RGS6: variants seen among roughly 807,000 people sequenced by gnomAD.
RGS6 encodes the protein regulator of G-protein signaling 6.
In RGS6, 30 loss-of-function variants were observed where a neutral mutation model predicts 78.5. The observed-to-expected ratio is 0.38, with a 90% CI of 0.29 to 0.52. RGS6 has a LOEUF of 0.52. Among genes scored for constraint, RGS6 ranks in the 20% least tolerant of loss-of-function variants. The pLI, the probability that RGS6 is intolerant of heterozygous loss-of-function variation, is 0.85. For synonymous variants in RGS6, 206 were observed against 206.0 expected (o/e 1.00, Z 0.00); for missense variants, 495 against 609.7 (o/e 0.81, Z 1.98).
At chr14:72,541,847 T>C (rs554836069) in intron 17 of RGS6, among the ~76,000 whole-genome samples, 2 of 152,266 alleles carry the variant, frequency 1.3e-5, no homozygotes, top group African/African-American at 2.4e-5. Flanking sequence ...TCAAGAGAAG[T>C]GAGTATCAAG....
chr14:72,339,952 T>C (rs1424492373), intron 2 of RGS6, among the ~76,000 whole-genome samples: 1 of 152,140 alleles, frequency 6.6e-6, no homozygotes, highest in Non-Finnish European at 1.5e-5. Flanking sequence ...CACCTCCTTC[T>C]TTGCGGCCCT....
the RGS6 span, among the ~76,000 whole-genome samples, chr14:72,599,405 T>G: frequency 6.2e-5 from 7 of 113,158 alleles, no homozygotes; most frequent in East Asian, 5.1e-4. Context: ...TTTTTTTTTT[T>G]TTTTTTTTTT....
intron 3 of RGS6, among the ~76,000 whole-genome samples, chr14:72,386,353 C>T (rs2087994681): frequency 6.6e-6 from 1 of 152,114 alleles, no homozygotes; most frequent in African/African-American, 2.4e-5. Flanking sequence ...GCCTGGACAA[C>T]ACGGTGAAAC....
intron 13 of RGS6, among the ~76,000 whole-genome samples, chr14:72,507,812 C>T (rs78784745): frequency 6.6e-6 from 1 of 152,174 alleles, no homozygotes; most frequent in Non-Finnish European, 1.5e-5. Flanking sequence ...TAGTACCATC[C>T]CTGGAGAGCC....
At chr14:71,964,906 T>C in intron 2 of RGS6, 31 bp downstream of exon 2, 1 of 1,571,286 alleles carries the variant, frequency 6.4e-7, no homozygotes, top group Non-Finnish European at 8.8e-7. Flanking sequence ...CCGTGCGTGC[T>C]GTCCGTGTGG....
chr14:72,573,035 G>A, the RGS6 span, among the ~76,000 whole-genome samples: 2 of 152,146 alleles, frequency 1.3e-5, no homozygotes, highest in African/African-American at 4.8e-5. Context: ...TAGAGAAAGT[G>A]AGTGAAGGCA....
intron 2 of RGS6, among the ~76,000 whole-genome samples, chr14:72,051,297 G>A (rs74063035): frequency 0.013 from 2,044 of 152,142 alleles, 48 homozygotes; most frequent in African/African-American, 0.046. Flanking sequence ...GGCAGTATTC[G>A]CATGGGGGCA....
chr14:72,171,718 A>G (rs1181205267), intron 2 of RGS6, among the ~76,000 whole-genome samples: 1 of 152,226 alleles, frequency 6.6e-6, no homozygotes, highest in African/African-American at 2.4e-5. Flanking sequence ...TTAGTGGTAG[A>G]GGAGAGGAAA....
At chr14:71,940,020 T>C (rs2090253578) in intron 1 of RGS6, among the ~76,000 whole-genome samples, 1 of 152,194 alleles carries the variant, frequency 6.6e-6, no homozygotes, top group Non-Finnish European at 1.5e-5. Context: ...ATTCTGGCCC[T>C]GGGGAAATGA....
At chr14:72,360,545 A>AAACAC (rs2081246739) in intron 3 of RGS6, among the ~76,000 whole-genome samples, 1 of 150,906 alleles carries the variant, frequency 6.6e-6, no homozygotes, top group Non-Finnish European at 1.5e-5. Flanking sequence ...AAACAAAACA[A>AAACAC]AAAAGGAAGA....
At chr14:72,350,943 T>C (rs530021216) in intron 2 of RGS6, among the ~76,000 whole-genome samples, 2 of 152,326 alleles carry the variant, frequency 1.3e-5, no homozygotes, top group Admixed American at 6.5e-5. Flanking sequence ...ATGATGATGA[T>C]GATGATGTTA....
chr14:72,315,978 A>G (rs967339288), intron 2 of RGS6, among the ~76,000 whole-genome samples: 9 of 152,338 alleles, frequency 5.9e-5, no homozygotes, highest in African/African-American at 2.2e-4. Context: ...GGCTTGGGGT[A>G]GCCCAAATAC....
intron 2 of RGS6, among the ~76,000 whole-genome samples, chr14:72,218,022 G>GA (rs1323411872): frequency 1.3e-5 from 2 of 151,964 alleles, no homozygotes; most frequent in Non-Finnish European, 2.9e-5. Context: ...AGGAAAAGTT[G>GA]AAAAAAACTT....
chr14:71,911,977 G>C, the RGS6 span, among the ~76,000 whole-genome samples: 1 of 152,200 alleles, frequency 6.6e-6, no homozygotes. Context: ...TCACTTTGGG[G>C]TGGAGACTTA....
intron 2 of RGS6, among the ~76,000 whole-genome samples, chr14:72,216,781 T>C (rs2045671676): frequency 6.6e-6 from 1 of 152,154 alleles, no homozygotes; most frequent in South Asian, 2.1e-4. Flanking sequence ...GTTCATCTCT[T>C]GCTTGTCTCT....
chr14:72,493,448 A>G (rs1432120930), intron 12 of RGS6, among the ~76,000 whole-genome samples: 1 of 152,182 alleles, frequency 6.6e-6, no homozygotes, highest in African/African-American at 2.4e-5. Flanking sequence ...AAAGACAAGG[A>G]GATGAAAAAT....
chr14:72,387,901 TTCTCACTGAG>T (rs1187478338), intron 3 of RGS6, among the ~76,000 whole-genome samples: 2 of 152,198 alleles, frequency 1.3e-5, no homozygotes, highest in South Asian at 2.1e-4. Context: ...GATGGCCGCC[TTCTCACTGAG>T]TCTCCACATC....
chr14:72,248,547 G>A (rs1340052602), intron 2 of RGS6, among the ~76,000 whole-genome samples: 1 of 152,184 alleles, frequency 6.6e-6, no homozygotes, highest in Admixed American at 6.5e-5. Context: ...CAATAAGAGT[G>A]TAAAGACCAA....
intron 5 of RGS6, among the ~76,000 whole-genome samples, chr14:72,459,418 CA>C (rs1177859852): frequency 6.6e-6 from 1 of 152,198 alleles, no homozygotes; most frequent in Admixed American, 6.5e-5. Context: ...AACATTTTTG[CA>C]TTTGTTTTGC....
Sources: gnomAD v4.1 joint callset for allele counts (sites outside exome capture counted in the v4.1 genomes callset) on GRCh38, gnomAD v4.1.1 for gene constraint, MANE v1.5 for transcripts, NCBI Gene and HGNC (gene_info 2026-07-23, HGNC 2026-07-21) for gene names.